DAB2IP: variants seen among roughly 807,000 people sequenced by gnomAD.
DAB2IP encodes DAB2 interacting protein.
In DAB2IP, 28 loss-of-function variants were observed where a neutral mutation model predicts 107.2. That is an observed-to-expected ratio of 0.26 (90% CI 0.19 to 0.36). DAB2IP has a LOEUF of 0.36. DAB2IP is among the 10% of genes least tolerant of loss of function. The pLI, the probability that DAB2IP is intolerant of heterozygous loss-of-function variation, is 1.00. For synonymous variants in DAB2IP, 755 were observed against 706.4 expected (o/e 1.07, Z -1.09); for missense variants, 1,400 against 1,644.7 (o/e 0.85, Z 2.57).
intron 8 of DAB2IP, among the ~76,000 whole-genome samples, chr9:121,765,471 A>C (rs1470703350): frequency 6.6e-6 from 1 of 152,186 alleles, no homozygotes; most frequent in Non-Finnish European, 1.5e-5. Context: ...GAGCCTGCTG[A>C]GCAGGCTGCT....
intron 8 of DAB2IP, among the ~76,000 whole-genome samples, chr9:121,764,497 A>C (rs1388902170): frequency 6.6e-6 from 1 of 152,238 alleles, no homozygotes; most frequent in Non-Finnish European, 1.5e-5. Context: ...CACGGCCACC[A>C]GCTTGCTCCT....
intron 3 of DAB2IP, among the ~76,000 whole-genome samples, chr9:121,700,779 A>G (rs1829730653): frequency 6.6e-6 from 1 of 151,870 alleles, no homozygotes; most frequent in South Asian, 2.1e-4. Context: ...GTGCATCCTC[A>G]CCACTGCCTG....
chr9:121,757,742 C>T (rs374104093), intron 4 of DAB2IP, among the ~76,000 whole-genome samples: 5 of 150,844 alleles, frequency 3.3e-5, no homozygotes, highest in Non-Finnish European at 4.4e-5. Context: ...GAGACCAAGC[C>T]GGGAGCAGGG....
intron 1 of DAB2IP, among the ~76,000 whole-genome samples, chr9:121,670,350 G>C (rs1246675839): frequency 6.6e-6 from 1 of 152,206 alleles, no homozygotes; most frequent in Non-Finnish European, 1.5e-5. Flanking sequence ...AAACAACACA[G>C]GTTTTTAATC....
In DAB2IP at chr9:121,772,964, C is replaced by T; in HGVS notation, c.2436C>T (p.Thr812=). The T allele has an allele frequency of 1.9e-6, 3 of 1,589,644 alleles. No homozygotes were observed. Among genetic ancestry groups the T allele is most frequent in the Non-Finnish European group, 2.6e-6 (3 of 1,169,818 alleles). Residue 812 remains threonine, a synonymous_variant, in exon 12 of 16, where the codon ACC becomes ACT. Transcript: ENST00000408936. The surrounding 1 kb of genome is among the most constrained non-coding windows in gnomAD (Gnocchi z 4.7). ...GCCAGACACCAACCACACCAGGCAC[C>T]TCCGAGGGCGCGCCAGGCCGGCCCC...
chr9:121,783,516 G>C (rs1433177349), exon 16 of DAB2IP: 1 of 1,614,144 alleles, frequency 6.2e-7, no homozygotes, highest in South Asian at 1.1e-5. Context: ...GGATAACTGT[G>C]ATTTTTTTTC....
At chr9:121,659,158 A>T (rs988631369) in intron 1 of DAB2IP, among the ~76,000 whole-genome samples, 4 of 152,174 alleles carry the variant, frequency 2.6e-5, no homozygotes, top group Non-Finnish European at 4.4e-5. Context: ...GGAGAAGAGG[A>T]GAGAGTGGGG....
intron 1 of DAB2IP, among the ~76,000 whole-genome samples, chr9:121,585,901 AC>A (rs1729183626): frequency 6.6e-6 from 1 of 151,990 alleles, no homozygotes; most frequent in African/African-American, 2.4e-5. Flanking sequence ...TTAGGGTTCT[AC>A]CAGGAACCCT....
intron 3 of DAB2IP, among the ~76,000 whole-genome samples, chr9:121,700,469 G>A (rs568690471): frequency 7.9e-5 from 12 of 152,256 alleles, no homozygotes; most frequent in Admixed American, 2.6e-4. Context: ...TGAAAGTACG[G>A]GCAGGCACCG....
At chr9:121,590,402 A>G (rs1318472424) in intron 1 of DAB2IP, among the ~76,000 whole-genome samples, 1 of 151,852 alleles carries the variant, frequency 6.6e-6, no homozygotes, top group Admixed American at 6.6e-5. Context: ...ATCATCAGGT[A>G]AGGACCCACC....
At chr9:121,726,549 G>A (rs1831246202) in intron 3 of DAB2IP, among the ~76,000 whole-genome samples, 2 of 152,194 alleles carry the variant, frequency 1.3e-5, no homozygotes, top group Admixed American at 1.3e-4. Flanking sequence ...CTGAAGGATG[G>A]GGGGATAGTC....
At chr9:121,580,160 C>T (rs1253882480) in intron 1 of DAB2IP, among the ~76,000 whole-genome samples, 1 of 152,134 alleles carries the variant, frequency 6.6e-6, no homozygotes, top group Non-Finnish European at 1.5e-5. Context: ...TTGTTGGAGC[C>T]CTGGTCTTTG....
Position 121,678,798 on chromosome 9 carries a change from C to T in DAB2IP, c.228+17C>T, listed in dbSNP as rs745715822. The T allele has an allele frequency of 6.5e-7, 1 of 1,546,824 alleles. No homozygotes were observed. Among genetic ancestry groups the T allele is most frequent in the African/African-American group, 1.4e-5 (1 of 73,074 alleles). On this transcript the variant is annotated intron_variant, in intron 2 of 15. Coordinates refer to ENST00000408936, the Ensembl canonical transcript of DAB2IP. ...CGGGTCACGGTAACTATCTCTGCGT[C>T]ACCAACACCGCCACTGCCACCACCA...
intron 3 of DAB2IP, among the ~76,000 whole-genome samples, chr9:121,717,483 C>T (rs954559884): frequency 2.0e-5 from 3 of 152,230 alleles, no homozygotes; most frequent in Non-Finnish European, 2.9e-5. Flanking sequence ...CCTGAGAATC[C>T]GCCCCTGGGC....
intron 1 of DAB2IP, among the ~76,000 whole-genome samples, chr9:121,587,490 T>C (rs1010022332): frequency 6.6e-6 from 1 of 151,694 alleles, no homozygotes; most frequent in African/African-American, 2.4e-5. Context: ...TGCCTGTAGT[T>C]CCAGCTACTT....
chr9:121,678,201 T>A (rs1402211561), intron 1 of DAB2IP, among the ~76,000 whole-genome samples: 5 of 152,250 alleles, frequency 3.3e-5, no homozygotes, highest in African/African-American at 4.8e-5. Flanking sequence ...GCTTTCTGTC[T>A]CTACGAATTG....
intron 10 of DAB2IP, among the ~76,000 whole-genome samples, chr9:121,769,979 G>C (rs191476735): frequency 1.3e-5 from 2 of 152,332 alleles, no homozygotes; most frequent in African/African-American, 4.8e-5. Flanking sequence ...ACAGGTGAAG[G>C]CAGTGTCCCC....
exon 16 of DAB2IP, chr9:121,783,964 T>C (rs781117502): frequency 2.3e-4 from 54 of 236,080 alleles, no homozygotes; most frequent in Non-Finnish European, 3.6e-4. Flanking sequence ...CAGGGCGAGC[T>C]GCAGGAATCA....
chr9:121,753,931 G>T (rs1217407909), intron 3 of DAB2IP, among the ~76,000 whole-genome samples: 1 of 152,156 alleles, frequency 6.6e-6, no homozygotes, highest in East Asian at 1.9e-4. Context: ...CCCTAGGCTG[G>T]CAAGGCAGAG....
Sources: allele counts gnomAD v4.1 joint callset (sites outside exome capture counted in the v4.1 genomes callset), GRCh38; gene constraint gnomAD v4.1.1; non-coding constraint Gnocchi (gnomAD v3.1); transcripts MANE v1.5; gene names NCBI Gene and HGNC (gene_info 2026-07-23, HGNC 2026-07-21).